RNF19A: variants seen among roughly 807,000 people sequenced by gnomAD.
RNF19A encodes E3 ubiquitin-protein ligase RNF19A.
RNF19A carries 32 observed loss-of-function variants against 75.7 expected under a neutral mutation model. The ratio of observed to expected loss-of-function variants is 0.42; its 90% CI spans 0.32 to 0.57. The LOEUF is 0.57. Among genes scored for constraint, RNF19A ranks in the 20% least tolerant of loss-of-function variants. The pLI is 0.10. For missense variants in RNF19A, 782 were observed against 1,036.3 expected (o/e 0.75, Z 3.37); for synonymous variants, 335 against 345.2 (o/e 0.97, Z 0.33).
At chr8:100,312,744 T>G (rs1051999032), upstream of RNF19A, among the ~76,000 whole-genome samples, 2 of 151,812 alleles carry the variant, frequency 1.3e-5, no homozygotes, top group African/African-American at 4.8e-5. Context: ...GACAACATGA[T>G]GAAACCTCAT....
chr8:100,301,268 A>G (rs565255838), intron 1 of RNF19A, among the ~76,000 whole-genome samples: 3 of 152,362 alleles, frequency 2.0e-5, no homozygotes, highest in African/African-American at 7.2e-5. Flanking sequence ...ACTTACCCAC[A>G]CAGCTAACGT....
intron 2 of RNF19A, among the ~76,000 whole-genome samples, chr8:100,281,735 C>G (rs1040244746): frequency 6.6e-6 from 1 of 152,010 alleles, no homozygotes; most frequent in Non-Finnish European, 1.5e-5. Context: ...TTTAACATAC[C>G]TTTAAATAAC....
At chr8:100,291,343 A>C (rs182086555) in intron 1 of RNF19A, among the ~76,000 whole-genome samples, 1 of 152,358 alleles carries the variant, frequency 6.6e-6, no homozygotes, top group East Asian at 1.9e-4. Flanking sequence ...AGTGCTTAGT[A>C]TTAAATGAAT....
chr8:100,308,689 T>A (rs570053825), intron 1 of RNF19A, among the ~76,000 whole-genome samples: 1 of 149,056 alleles, frequency 6.7e-6, no homozygotes, highest in African/African-American at 2.5e-5. Flanking sequence ...CCATGTTCTT[T>A]AAAAAAAAAA....
At position 100,259,878 on chromosome 8, in the gene RNF19A, A is replaced by C; in HGVS notation, c.1802T>G (p.Leu601Arg). 8 of 1,613,212 alleles carry C rather than the reference A, an allele frequency of 5.0e-6. No individual in the cohort carries two copies. The highest frequency in any genetic ancestry group is 6.8e-6 in the Non-Finnish European group (8 of 1,179,664). ...CTTGTCCAATGGGATGTAGGAATTC[A>C]GAATGGATCCTGCCATTGCTTTGGT... ...ASTKAMAGSILNSYIPLDKEG... is the reference protein window; with the variant it reads ...ASTKAMAGSIRNSYIPLDKEG... Residue 601 changes from leucine to arginine, a missense_variant, in exon 9 of 10, where the codon CTG (leucine) becomes CGG (arginine). Transcript: ENST00000341084. The surrounding 1 kb of genome is among the most constrained non-coding windows in gnomAD (Gnocchi z 4.5).
At chr8:100,297,586 C>A (rs1227178699) in intron 1 of RNF19A, among the ~76,000 whole-genome samples, 1 of 152,138 alleles carries the variant, frequency 6.6e-6, no homozygotes, top group Non-Finnish European at 1.5e-5. Flanking sequence ...CTGAAAAAAA[C>A]CTTCAAGCTC....
chr8:100,283,215 G>GTGGCCTTAGCCAACTGAAACA (rs56288024), intron 2 of RNF19A, among the ~76,000 whole-genome samples: 106,464 of 151,824 alleles, frequency 0.7, 38,661 homozygotes, highest in African/African-American at 0.91. Context: ...TGGTAGCAGG[G>GTGGCCTTAGCCAACTGAAACA]TGGCCTTAGC....
intron 2 of RNF19A, among the ~76,000 whole-genome samples, chr8:100,277,361 G>C (rs911028349): frequency 1.3e-5 from 2 of 152,172 alleles, no homozygotes; most frequent in African/African-American, 4.8e-5. Context: ...GCCCAGGTTA[G>C]AGTGCAGTGG....
chr8:100,284,683 ACTTTTT>A lies in RNF19A; in HGVS notation c.674+2812_674+2817del, dbSNP rs1380030016. Among the ~76,000 whole-genome samples, 2 of 152,160 alleles carry A rather than the reference ACTTTTT, an allele frequency of 1.3e-5. No individual in the cohort carries two copies. Among genetic ancestry groups the A allele is most frequent in the African/African-American group, 4.8e-5 (2 of 41,466 alleles). On this transcript the variant is annotated intron_variant, in intron 2 of 9. Coordinates refer to ENST00000341084, the MANE Select transcript of RNF19A (RefSeq NM_183419.4). This position sits in a 1 kb window ranked among gnomAD's most constrained non-coding sequence, Gnocchi z 4.3. ...TAAAATATTAATACTGAGCCATTTTACTTTTTAACAATGAAGTCTCAATGAGAAGAA... is the reference window on the plus strand; with the variant it reads ...TAAAATATTAATACTGAGCCATTTTAAACAATGAAGTCTCAATGAGAAGAA...
At chr8:100,318,784 A>G (rs1469652186) in intron 1 of RNF19A, among the ~76,000 whole-genome samples, 1 of 152,244 alleles carries the variant, frequency 6.6e-6, no homozygotes, top group African/African-American at 2.4e-5. Flanking sequence ...ACATAGCCCA[A>G]TTTGATAGCA....
chr8:100,282,650 C>T (rs76647332), intron 2 of RNF19A, among the ~76,000 whole-genome samples: 6 of 132,240 alleles, frequency 4.5e-5, no homozygotes, highest in African/African-American at 2.5e-4. Flanking sequence ...TACTTGTTTT[C>T]TCTGGATAAA....
intron 1 of RNF19A, among the ~76,000 whole-genome samples, chr8:100,299,491 G>A (rs972748084): frequency 1.8e-4 from 27 of 152,214 alleles, no homozygotes; most frequent in African/African-American, 6.5e-4. Context: ...CGGGTGCGGT[G>A]GCTCACGCCT....
intron 1 of RNF19A, 102 bp from the exon 2 acceptor site, chr8:100,288,369 T>C (rs1055849502): frequency 4.9e-5 from 37 of 762,566 alleles, no homozygotes; most frequent in Non-Finnish European, 5.8e-5. Flanking sequence ...TCTTAACCAT[T>C]AGTAGTAGTT....
intron 1 of RNF19A, among the ~76,000 whole-genome samples, chr8:100,299,818 T>C (rs1180621019): frequency 6.6e-6 from 1 of 152,196 alleles, no homozygotes; most frequent in East Asian, 1.9e-4. Flanking sequence ...TCCTAACCAC[T>C]TTCTCTGGAA....
intron 1 of RNF19A, among the ~76,000 whole-genome samples, chr8:100,305,356 C>T (rs939054689): frequency 6.6e-6 from 1 of 152,180 alleles, no homozygotes; most frequent in African/African-American, 2.4e-5. Context: ...CCTCAAAAGA[C>T]ACATCAATCA....
chr8:100,265,018 A>G (rs1819905875), intron 5 of RNF19A, among the ~76,000 whole-genome samples: 1 of 152,206 alleles, frequency 6.6e-6, no homozygotes. Context: ...TTTGTGCTTA[A>G]AAGTTCTGAG....
chr8:100,328,424 C>G (rs1004707940), intron 1 of RNF19A, among the ~76,000 whole-genome samples: 2 of 151,892 alleles, frequency 1.3e-5, no homozygotes, highest in Non-Finnish European at 2.9e-5. Context: ...GGGCCTGGGA[C>G]AGAGAATAGG....
At chr8:100,335,931 G>A (rs775840813) in intron 1 of RNF19A, among the ~76,000 whole-genome samples, 20 of 152,214 alleles carry the variant, frequency 1.3e-4, no homozygotes. Flanking sequence ...CTATAGGTTG[G>A]CCGCTTTCTA....
At chr8:100,290,537 T>A (rs1821245334) in intron 1 of RNF19A, among the ~76,000 whole-genome samples, 1 of 152,198 alleles carries the variant, frequency 6.6e-6, no homozygotes, top group South Asian at 2.1e-4. Context: ...GACCTCCTAA[T>A]TAACATGTGT....
Sources: allele counts gnomAD v4.1 joint callset (sites outside exome capture counted in the v4.1 genomes callset), GRCh38; gene constraint gnomAD v4.1.1; non-coding constraint Gnocchi (gnomAD v3.1); transcripts MANE v1.5; gene names NCBI Gene and HGNC (gene_info 2026-07-23, HGNC 2026-07-21).